INSL6: variants seen among roughly 807,000 people sequenced by gnomAD.
The protein encoded by INSL6 is insulin-like peptide INSL6.
A neutral mutation model predicts 9.4 loss-of-function variants in INSL6; 16 were observed. The ratio of observed to expected loss-of-function variants is 1.70; its 90% CI spans 1.15 to 2.59. INSL6 has a LOEUF of 2.59. INSL6 is among the 30% of genes most tolerant of loss of function. INSL6 has a pLI of 0.00. For missense variants in INSL6, 391 were observed against 257.3 expected (o/e 1.52, Z -3.56); for synonymous variants, 154 against 96.9 (o/e 1.59, Z -3.46).
the INSL6 span, among the ~76,000 whole-genome samples, chr9:5,105,403 T>C: frequency 1.3e-5 from 2 of 152,062 alleles, no homozygotes; most frequent in South Asian, 2.1e-4. Context: ...CACTGCTCAA[T>C]GAAATACAAG....
chr9:5,126,759 G>A (rs1376571158), intron 3 of INSL6: 1 of 1,610,200 alleles, frequency 6.2e-7, no homozygotes. Flanking sequence ...AGCTCTTCGA[G>A]TGGATCAAAT....
At chr9:5,112,596 A>T in the INSL6 span, 1 of 783,648 alleles carries the variant, frequency 1.3e-6, no homozygotes. Flanking sequence ...AGGGCTCTTA[A>T]GGAGCTGGGG....
the INSL6 span, chr9:5,099,648 T>C: frequency 6.8e-4 from 103 of 152,320 alleles, no homozygotes; most frequent in African/African-American, 2.4e-3. Flanking sequence ...TCCCACTGTT[T>C]CCAACCTCTA....
the INSL6 span, among the ~76,000 whole-genome samples, chr9:5,064,705 T>C: frequency 6.6e-6 from 1 of 152,186 alleles, no homozygotes; most frequent in South Asian, 2.1e-4. Flanking sequence ...AATCTGTATT[T>C]AGGAGGATCT....
the INSL6 span, chr9:5,041,690 C>T: frequency 6.5e-5 from 33 of 506,690 alleles, no homozygotes; most frequent in African/African-American, 6.1e-4. Flanking sequence ...TCGACCGAAG[C>T]GGCTTCGTGT....
At chr9:5,033,751 A>G in the INSL6 span, among the ~76,000 whole-genome samples, 9 of 152,270 alleles carry the variant, frequency 5.9e-5, no homozygotes, top group African/African-American at 1.2e-4. Flanking sequence ...CACTAAACAT[A>G]GAAAGGAACA....
the INSL6 span, among the ~76,000 whole-genome samples, chr9:5,076,232 T>C: frequency 6.6e-6 from 1 of 152,180 alleles, no homozygotes; most frequent in East Asian, 1.9e-4. Context: ...ACTTGATTGA[T>C]CAAGCAGTTG....
At chr9:5,083,502 A>G in the INSL6 span, among the ~76,000 whole-genome samples, 1 of 152,168 alleles carries the variant, frequency 6.6e-6, no homozygotes, top group Non-Finnish European at 1.5e-5. Context: ...TTTTCTGGGA[A>G]CTTATAGCAT....
the INSL6 span, among the ~76,000 whole-genome samples, chr9:5,034,598 T>C: frequency 6.6e-6 from 1 of 151,424 alleles, no homozygotes; most frequent in Non-Finnish European, 1.5e-5. Flanking sequence ...TCAAAACCAC[T>C]CAACTACATG....
At chr9:4,994,337 A>G in the INSL6 span, among the ~76,000 whole-genome samples, 1 of 152,144 alleles carries the variant, frequency 6.6e-6, no homozygotes, top group African/African-American at 2.4e-5. Flanking sequence ...TTCCTAACCC[A>G]CTGGTTCTTA....
chr9:5,145,820 T>C (rs1824592198), intron 2 of INSL6, among the ~76,000 whole-genome samples: 1 of 152,226 alleles, frequency 6.6e-6, no homozygotes, highest in African/African-American at 2.4e-5. Context: ...CATTCTTTTC[T>C]AGACTGGCTA....
the INSL6 span, among the ~76,000 whole-genome samples, chr9:5,005,495 G>A: frequency 1.3e-5 from 2 of 152,096 alleles, no homozygotes; most frequent in African/African-American, 2.4e-5. Flanking sequence ...TGTTAACTTT[G>A]CACTCCTGGG....
chr9:5,156,799 C>T (rs1376118444), intron 2 of INSL6, among the ~76,000 whole-genome samples: 1 of 151,986 alleles, frequency 6.6e-6, no homozygotes, highest in Non-Finnish European at 1.5e-5. Flanking sequence ...GAAATATTAA[C>T]AAGTTACAAG....
chr9:5,072,826 C>G, the INSL6 span, among the ~76,000 whole-genome samples: 4 of 152,192 alleles, frequency 2.6e-5, no homozygotes, highest in South Asian at 4.1e-4. Context: ...TAATTCCAAA[C>G]TAATTATGTT....
chr9:5,087,314 C>T, the INSL6 span, among the ~76,000 whole-genome samples: 1 of 152,182 alleles, frequency 6.6e-6, no homozygotes, highest in East Asian at 1.9e-4. Flanking sequence ...CAGATGCTTA[C>T]AAAACCATCA....
the INSL6 span, among the ~76,000 whole-genome samples, chr9:5,045,873 T>C: frequency 6.6e-6 from 1 of 152,174 alleles, no homozygotes; most frequent in Non-Finnish European, 1.5e-5. Context: ...TTTCCTTGAG[T>C]CCCTGTTTTC....
chr9:5,100,673 G>A, the INSL6 span: 3 of 152,094 alleles, frequency 2.0e-5, no homozygotes, highest in South Asian at 2.1e-4. Context: ...CAGTTACTTC[G>A]GCTCATCACA....
the INSL6 span, among the ~76,000 whole-genome samples, chr9:5,010,018 C>T: frequency 1.7e-4 from 26 of 152,324 alleles, no homozygotes; most frequent in African/African-American, 4.6e-4. Flanking sequence ...ACGATCCTCT[C>T]GCCTTGGACT....
At chr9:5,091,612 A>C in the INSL6 span, 2 of 152,164 alleles carry the variant, frequency 1.3e-5, no homozygotes. Context: ...TAGATTAGAT[A>C]ATTAATAGTA....
Sources: allele counts gnomAD v4.1 joint callset (sites outside exome capture counted in the v4.1 genomes callset), GRCh38; gene constraint gnomAD v4.1.1; transcripts MANE v1.5; gene names NCBI Gene and HGNC (gene_info 2026-07-23, HGNC 2026-07-21).